Variants in TEX9 observed in about 807,000 individuals in gnomAD.
TEX9 encodes the protein testis-expressed protein 9.
A neutral mutation model predicts 59.6 loss-of-function variants in TEX9; 74 were observed. The observed-to-expected ratio is 1.24, with a 90% CI of 1.03 to 1.51. The LOEUF (loss-of-function observed/expected upper bound fraction) is 1.51. Ranked by LOEUF, TEX9 falls within the 40% of genes most tolerant of loss-of-function variation. The pLI, the probability that TEX9 is intolerant of heterozygous loss-of-function variation, is 0.00. For missense variants in TEX9, 522 were observed against 447.8 expected, an observed-to-expected ratio of 1.17 and a Z score of -1.49; for synonymous variants, 186 against 152.2, an observed-to-expected ratio of 1.22 and a Z score of -1.64.
intron 10 of TEX9, chr15:56,421,881 G>T (rs2049993580): frequency 1.3e-5 from 2 of 151,474 alleles, no homozygotes; most frequent in Non-Finnish European, 2.9e-5. Flanking sequence ...GGACATTTGG[G>T]TTGGTTCCAA....
intron 1 of TEX9, among the ~76,000 whole-genome samples, chr15:56,315,360 T>G: frequency 2.0e-5 from 3 of 147,516 alleles, no homozygotes; most frequent in Non-Finnish European, 1.5e-5. Flanking sequence ...TGACAAAATC[T>G]CTCAGCATTT....
intron 1 of TEX9, among the ~76,000 whole-genome samples, chr15:56,331,477 A>G (rs1320326582): frequency 2.0e-5 from 3 of 152,248 alleles, no homozygotes; most frequent in South Asian, 2.1e-4. Context: ...ATTAAATAAA[A>G]TCAGAAATCA....
chr15:56,317,041 C>T (rs1303756601), intron 1 of TEX9, among the ~76,000 whole-genome samples: 2 of 152,164 alleles, frequency 1.3e-5, no homozygotes, highest in Non-Finnish European at 2.9e-5. Context: ...CTGACCTGCG[C>T]CCACTGTCTG....
intron 1 of TEX9, among the ~76,000 whole-genome samples, chr15:56,291,041 T>G (rs1332736603): frequency 6.6e-6 from 1 of 152,176 alleles, no homozygotes; most frequent in African/African-American, 2.4e-5. Context: ...TCAGGTAGAT[T>G]TTGCACATGT....
chr15:56,384,194 T>C (rs1243222308), intron 4 of TEX9, among the ~76,000 whole-genome samples, 163 bp downstream of exon 4: 1 of 152,174 alleles, frequency 6.6e-6, no homozygotes, highest in Non-Finnish European at 1.5e-5. Flanking sequence ...CTTTATCTCA[T>C]GTAATTTTCA....
intron 1 of TEX9, among the ~76,000 whole-genome samples, chr15:56,348,817 C>A (rs1349313473): frequency 6.6e-6 from 1 of 151,978 alleles, no homozygotes; most frequent in African/African-American, 2.4e-5. Context: ...TTTCTTCTGC[C>A]TCATTCTGTC....
chr15:56,427,491 T>A, intron 10 of TEX9, 114 bp from the exon 11 acceptor site: 1 of 679,048 alleles, frequency 1.5e-6, no homozygotes, highest in Non-Finnish European at 2.2e-6. Flanking sequence ...TCTACAAAAA[T>A]TTTATATTTC....
chr15:56,274,514 A>C (rs1349243629), intron 1 of TEX9: 1 of 151,854 alleles, frequency 6.6e-6, no homozygotes, highest in Non-Finnish European at 1.5e-5. Flanking sequence ...TTGCTTTTAT[A>C]TGTCTCTTTC....
chr15:56,427,990 C>G (rs1287660575), intron 11 of TEX9, among the ~76,000 whole-genome samples: 6 of 151,980 alleles, frequency 3.9e-5, no homozygotes, highest in African/African-American at 1.4e-4. Context: ...ATAGGTACTT[C>G]TCAACTACAG....
chr15:56,246,147 T>C (rs1187032192), intron 1 of TEX9, among the ~76,000 whole-genome samples: 2 of 152,172 alleles, frequency 1.3e-5, no homozygotes, highest in African/African-American at 4.8e-5. Context: ...TCTGAGAGTT[T>C]TTAATGGGTT....
chr15:56,458,896 A>G, the TEX9 span, among the ~76,000 whole-genome samples: 1 of 152,212 alleles, frequency 6.6e-6, no homozygotes, highest in Non-Finnish European at 1.5e-5. Context: ...TTTATAAATA[A>G]TGCTGCTATA....
At chr15:56,249,471 A>AAAGGAGGGAGGGAGGGAAGG (rs2043956350) in intron 1 of TEX9, among the ~76,000 whole-genome samples, 2 of 151,222 alleles carry the variant, frequency 1.3e-5, no homozygotes, top group African/African-American at 4.9e-5. Context: ...GGGAGGGAAG[A>AAAGGAGGGAGGGAGGGAAGG]AAGGAGGGAG....
intron 12 of TEX9, among the ~76,000 whole-genome samples, chr15:56,433,401 C>T (rs2050652157): frequency 8.1e-6 from 1 of 122,966 alleles, no homozygotes; most frequent in African/African-American, 3.2e-5. Context: ...ATGTTCTGCA[C>T]ATGCATCCTG....
At chr15:56,247,530 G>A (rs550406041) in intron 1 of TEX9, among the ~76,000 whole-genome samples, 12 of 152,294 alleles carry the variant, frequency 7.9e-5, no homozygotes, top group African/African-American at 2.9e-4. Context: ...CTGGTGTGAA[G>A]CCATGAAAGG....
At chr15:56,426,081 A>C (rs2050227210) in intron 10 of TEX9, among the ~76,000 whole-genome samples, 1 of 152,110 alleles carries the variant, frequency 6.6e-6, no homozygotes, top group African/African-American at 2.4e-5. Flanking sequence ...AGGTTCCTGC[A>C]GTTCTGTGGA....
rs1208436250 is a variant in TEX9 at position 56,444,597 on chromosome 15, T to C, written c.*30-1074T>C. 3 of 1,613,320 alleles carry C rather than the reference T, an allele frequency of 1.9e-6. No homozygotes were observed. In the African/African-American group the frequency reaches 4.0e-5, roughly 22 times the overall value. ...CTGTGCTTTCGCTTTGTTTCGTTTG[T>C]CTTCTGCAGCATTCTCTTCCTTTAT... On this transcript the variant is annotated intron_variant, in intron 12 of 12. Coordinates refer to ENST00000352903, the Ensembl canonical transcript of TEX9.
intron 1 of TEX9, among the ~76,000 whole-genome samples, chr15:56,304,811 C>A (rs2045439590): frequency 6.6e-6 from 1 of 152,146 alleles, no homozygotes; most frequent in African/African-American, 2.4e-5. Context: ...CATCCTCATA[C>A]TCCTGGGCTC....
At chr15:56,356,789 G>A (rs146812260) in intron 1 of TEX9, among the ~76,000 whole-genome samples, 6 of 152,224 alleles carry the variant, frequency 3.9e-5, no homozygotes, top group East Asian at 3.9e-4. Flanking sequence ...TTGACTAGAA[G>A]TTCCAGTGGT....
chr15:56,367,251 C>T (rs903894296), intron 2 of TEX9, among the ~76,000 whole-genome samples: 2 of 152,138 alleles, frequency 1.3e-5, no homozygotes, highest in Non-Finnish European at 2.9e-5. Flanking sequence ...ACATCTGAAG[C>T]ATATGAACAG....
Sources: allele counts gnomAD v4.1 joint callset (sites outside exome capture counted in the v4.1 genomes callset), GRCh38; gene constraint gnomAD v4.1.1; transcripts MANE v1.5; gene names NCBI Gene and HGNC (gene_info 2026-07-23, HGNC 2026-07-21).